PRKDC: variants seen among roughly 807,000 people sequenced by gnomAD.
The protein encoded by PRKDC is protein kinase, DNA-activated, catalytic subunit, also known as DNA-dependent protein kinase catalytic subunit.
A neutral mutation model predicts 486.9 loss-of-function variants in PRKDC; 82 were observed. The ratio of observed to expected loss-of-function variants is 0.17; its 90% CI spans 0.14 to 0.20. The LOEUF (loss-of-function observed/expected upper bound fraction) is 0.20, where lower values mean the gene tolerates loss of function less well. Ranked by LOEUF, PRKDC falls within the 10% of genes least tolerant of loss-of-function variation. The pLI, the probability that PRKDC is intolerant of heterozygous loss-of-function variation, is 1.00. For missense variants in PRKDC, 4,504 were observed against 5,038.2 expected (o/e 0.89, Z 3.21); for synonymous variants, 1,895 against 1,837.0 (o/e 1.03, Z -0.81).
intron 76 of PRKDC, among the ~76,000 whole-genome samples, chr8:47,788,264 A>G (rs2086825575): frequency 6.6e-6 from 1 of 152,242 alleles, no homozygotes; most frequent in Non-Finnish European, 1.5e-5. Context: ...GCCAAGCCCA[A>G]GGGCAAGTCT....
intron 85 of PRKDC, among the ~76,000 whole-genome samples, chr8:47,776,205 G>A (rs1589687156): frequency 6.6e-6 from 1 of 152,290 alleles, no homozygotes; most frequent in East Asian, 1.9e-4. Flanking sequence ...CACATGGTGT[G>A]AAACAAGGAC....
In PRKDC at chr8:47,858,867, G is replaced by T. The variant is rs375377444; in HGVS notation, c.6327C>A (p.Gly2109=). ...ALVKHMHRSL[G]PPQGEEDSVP... ...AAAGCACCTCTTCTCCTTGAGGCGG[G>T]CCCAGGCTTCTGTGCATGTGCTTGA... The change falls in exon 47 of 86, where the codon GGC becomes GGA. Residue 2109 remains glycine (G), a synonymous_variant. Transcript: ENST00000314191. 123 of 1,613,584 alleles carry T rather than the reference G, an allele frequency of 7.6e-5. No individual in the cohort carries two copies. The African/African-American group carries it at 1.5e-3, about 20-fold the overall frequency.
intron 23 of PRKDC, among the ~76,000 whole-genome samples, chr8:47,914,970 G>A (rs1420881813): frequency 6.6e-6 from 1 of 152,024 alleles, no homozygotes; most frequent in Non-Finnish European, 1.5e-5. Context: ...ATCAAAAATG[G>A]TAATTCTCAT....
intron 7 of PRKDC, among the ~76,000 whole-genome samples, chr8:47,948,772 T>C (rs1206957171): frequency 6.6e-6 from 1 of 152,140 alleles, no homozygotes; most frequent in African/African-American, 2.4e-5. Context: ...CTGGGTGCCT[T>C]ATATATATGT....
At chr8:47,929,283 T>A in intron 18 of PRKDC, 105 bp from the exon 19 acceptor site, 1 of 771,362 alleles carries the variant, frequency 1.3e-6, no homozygotes, top group South Asian at 1.6e-5. Context: ...CCATTTCAAG[T>A]TACCAACATC....
chr8:47,947,546 T>C (rs1410948336), intron 7 of PRKDC, among the ~76,000 whole-genome samples: 3 of 152,132 alleles, frequency 2.0e-5, no homozygotes, highest in Admixed American at 6.5e-5. Flanking sequence ...GGCGGGTGGA[T>C]TGCTTCAGCT....
rs2089721128 is a variant in PRKDC at position 47,903,355 on chromosome 8, G to A, written c.3043-560C>T. 1.3e-5 allele frequency among the ~76,000 whole-genome samples: 2 copies of A among 152,132 alleles called. 1 individual carries two copies. The highest frequency in any genetic ancestry group is 4.1e-4 in the South Asian group (2 of 4,830). ...GATGTATTCTACTTTATGCTTTGTT[G>A]CCTTCTAGTCATGACGCTGTCTCAG... On this transcript the variant is annotated intron_variant, in intron 26 of 85. Transcript: ENST00000314191.
chr8:47,954,197 G>T, intron 5 of PRKDC, 141 bp downstream of exon 5: 1 of 463,250 alleles, frequency 2.2e-6, no homozygotes, highest in Non-Finnish European at 3.7e-6. Context: ...GTTTTTGTTT[G>T]GTTCCATTTT....
At chr8:47,907,082 A>T (rs2089797385) in intron 25 of PRKDC, among the ~76,000 whole-genome samples, 1 of 151,038 alleles carries the variant, frequency 6.6e-6, no homozygotes, top group Non-Finnish European at 1.5e-5. Context: ...TCTGTCGCCC[A>T]GGCTGGAGTG....
intron 40 of PRKDC, among the ~76,000 whole-genome samples, chr8:47,871,149 CAG>C (rs1211568922): frequency 1.3e-5 from 2 of 152,116 alleles, no homozygotes; most frequent in Admixed American, 6.5e-5. Flanking sequence ...TAGCGGGAGA[CAG>C]GGGTAGAAAG....
At chr8:47,917,118 A>G (rs1206183980) in intron 22 of PRKDC, among the ~76,000 whole-genome samples, 3 of 152,070 alleles carry the variant, frequency 2.0e-5, no homozygotes, top group Non-Finnish European at 4.4e-5. Flanking sequence ...AGCTGGGCAT[A>G]GTGGCACATG....
rs199898990 is a variant in PRKDC, at chr8:47,862,090, C to T, written c.5957G>A (p.Arg1986His). The change falls in exon 44 of 86, where the codon CGC becomes CAC. Residue 1986 changes from arginine to histidine, a missense_variant. Arg to His is a conservative substitution (Grantham distance 29). Coordinates refer to ENST00000314191, the MANE Select transcript of PRKDC (RefSeq NM_006904.7). ...LIFENLIDLK[R>H]RYNFPVEVEV... ...AACTTCTACAGGAAAATTATAGCGG[C>T]GCTTCAGGTCGATCAGATTTTCAAA... The T allele has an allele frequency of 5.2e-4, 808 of 1,551,466 alleles. No homozygotes were observed. The highest frequency in any genetic ancestry group is 6.5e-4 in the Non-Finnish European group (748 of 1,145,920).
intron 25 of PRKDC, among the ~76,000 whole-genome samples, chr8:47,906,420 G>C (rs1234338002): frequency 6.7e-6 from 1 of 148,290 alleles, no homozygotes; most frequent in African/African-American, 2.4e-5. Flanking sequence ...GATCACTTGA[G>C]GTCAGGAGTT....
chr8:47,818,804 A>G (rs1024830642), intron 67 of PRKDC, among the ~76,000 whole-genome samples: 2 of 152,212 alleles, frequency 1.3e-5, no homozygotes, highest in African/African-American at 2.4e-5. Context: ...ATTATTTAGG[A>G]CAAAAATGAA....
intron 54 of PRKDC, 130 bp from the exon 55 acceptor site, chr8:47,840,319 C>T (rs1291630221): frequency 3.1e-6 from 2 of 653,896 alleles, no homozygotes; most frequent in African/African-American, 3.7e-5. Context: ...TTATATAAAA[C>T]TTATATTCTT....
intron 67 of PRKDC, among the ~76,000 whole-genome samples, chr8:47,819,142 G>C (rs573431010): frequency 1.8e-4 from 28 of 152,336 alleles, no homozygotes; most frequent in Non-Finnish European, 3.8e-4. Flanking sequence ...ATCCTCTGGA[G>C]TCACCCCGCT....
In PRKDC at chr8:47,937,699, T is replaced by C. The variant is rs568573844; in HGVS notation, c.1114-1182A>G. Among the ~76,000 whole-genome samples, 21 of 152,356 alleles carry C rather than the reference T, an allele frequency of 1.4e-4. No homozygotes were observed. The East Asian group carries it at 2.9e-3, about 21-fold the overall frequency. ...CCACAGGGACAAGCTCAAGTGGGGA[T>C]AGATCACTGTGTAAAGGGAAAATCT... On this transcript the variant is annotated intron_variant, in intron 11 of 85. Transcript: ENST00000314191.
chr8:47,906,678 C>T (rs1035286372), intron 25 of PRKDC, among the ~76,000 whole-genome samples: 3 of 151,184 alleles, frequency 2.0e-5, no homozygotes, highest in Non-Finnish European at 2.9e-5. Flanking sequence ...ACTCCCTACA[C>T]TGATATCCTG....
chr8:47,862,658 G>T, intron 42 of PRKDC, 117 bp from the exon 43 acceptor site: 1 of 988,524 alleles, frequency 1.0e-6, no homozygotes. Context: ...GGTCAGGCTT[G>T]TGCCAGGCAG....
Sources: gnomAD v4.1 joint callset for allele counts (sites outside exome capture counted in the v4.1 genomes callset) on GRCh38, gnomAD v4.1.1 for gene constraint, MANE v1.5 for transcripts, NCBI Gene and HGNC (gene_info 2026-07-23, HGNC 2026-07-21) for gene names.